ITGB5: variants seen among roughly 807,000 people sequenced by gnomAD.
ITGB5 encodes the protein integrin beta-5.
Under a neutral mutation model 84.8 loss-of-function variants are expected in ITGB5, and 38 were observed. That is an observed-to-expected ratio of 0.45 (90% confidence interval 0.35 to 0.59). The LOEUF (loss-of-function observed/expected upper bound fraction) is 0.59. Among genes scored for constraint, ITGB5 ranks in the 20% least tolerant of loss-of-function variants. The pLI, the probability that ITGB5 is intolerant of heterozygous loss-of-function variation, is 0.01. For synonymous variants in ITGB5, 393 were observed against 414.4 expected, an observed-to-expected ratio of 0.95 and a Z score of 0.63; for missense variants, 905 against 1,034.5, an observed-to-expected ratio of 0.87 and a Z score of 1.72.
intron 11 of ITGB5, chr3:124,769,442 C>G (rs1049069190): frequency 1.3e-5 from 3 of 230,684 alleles, no homozygotes; most frequent in East Asian, 1.1e-4. Flanking sequence ...CCAGAGGTTT[C>G]TGGGTGATAA....
At chr3:124,795,485 T>A (rs1308196368) in intron 10 of ITGB5, among the ~76,000 whole-genome samples, 1 of 149,398 alleles carries the variant, frequency 6.7e-6, no homozygotes, top group South Asian at 2.1e-4. Flanking sequence ...TGAGACTCCA[T>A]CTCAGAAAAA....
chr3:124,763,788 C>T (rs1490518410), intron 14 of ITGB5, 70 bp from the exon 15 acceptor site: 2 of 870,920 alleles, frequency 2.3e-6, no homozygotes, highest in East Asian at 2.5e-5. Flanking sequence ...CAGACGCAGG[C>T]CCTAGGATCC....
At chr3:124,789,067 T>C (rs1376858864) in intron 10 of ITGB5, among the ~76,000 whole-genome samples, 1 of 152,204 alleles carries the variant, frequency 6.6e-6, no homozygotes, top group Non-Finnish European at 1.5e-5. Flanking sequence ...GAGACCTCTG[T>C]CATGGAAGTC....
intron 1 of ITGB5, 66 bp downstream of exon 1, chr3:124,886,865 G>T: frequency 9.5e-7 from 1 of 1,057,566 alleles, no homozygotes; most frequent in Non-Finnish European, 1.2e-6. Context: ...CCGCCCCTCC[G>T]AGACGCCCGC....
chr3:124,842,439 C>A, intron 4 of ITGB5, among the ~76,000 whole-genome samples: 1 of 152,132 alleles, frequency 6.6e-6, no homozygotes, highest in Admixed American at 6.5e-5. Context: ...TATTGTTTTA[C>A]CAATGGGTTC....
intron 10 of ITGB5, among the ~76,000 whole-genome samples, chr3:124,775,578 T>A (rs2063915221): frequency 6.6e-6 from 1 of 152,174 alleles, no homozygotes; most frequent in South Asian, 2.1e-4. Context: ...AACTTTGTAT[T>A]ATTTTTTTCC....
intron 9 of ITGB5, among the ~76,000 whole-genome samples, chr3:124,804,642 G>A (rs1284968276): frequency 6.6e-6 from 1 of 152,030 alleles, no homozygotes; most frequent in African/African-American, 2.4e-5. Flanking sequence ...GCTTCAACTG[G>A]CATTACTTTT....
At chr3:124,889,954 G>A (rs1262280149), upstream of ITGB5, among the ~76,000 whole-genome samples, 1 of 152,064 alleles carries the variant, frequency 6.6e-6, no homozygotes, top group Non-Finnish European at 1.5e-5. Flanking sequence ...AGAGGTTGCA[G>A]TGAGCCAAGA....
intron 4 of ITGB5, among the ~76,000 whole-genome samples, chr3:124,842,919 C>T (rs1365350432): frequency 6.6e-6 from 1 of 152,144 alleles, no homozygotes; most frequent in Non-Finnish European, 1.5e-5. Flanking sequence ...GTCACAACAG[C>T]ACAGCACAGA....
At position 124,785,696 on chromosome 3, in the gene ITGB5, C is replaced by T. The variant is rs575420123; in HGVS notation, c.1693+10692G>A. Among the ~76,000 whole-genome samples, 173 of 152,202 alleles carry T rather than the reference C, an allele frequency of 1.1e-3. 1 individual carries two copies. Among genetic ancestry groups the T allele is most frequent in the African/African-American group, 4.0e-3 (168 of 41,536 alleles). ...CTAAGAAGAGCTCTATGTCTTTCAT[C>T]AAATTATAGTCACGAAACGATGAGT... On this transcript the variant is annotated intron_variant, in intron 10 of 14. Coordinates refer to ENST00000296181, the MANE Select transcript of ITGB5 (RefSeq NM_002213.5).
At chr3:124,865,029 G>T (rs1004769948) in intron 2 of ITGB5, among the ~76,000 whole-genome samples, 1 of 152,136 alleles carries the variant, frequency 6.6e-6, no homozygotes, top group Non-Finnish European at 1.5e-5. Flanking sequence ...AGCATGTGCC[G>T]CCTCCCATTT....
intron 1 of ITGB5, among the ~76,000 whole-genome samples, chr3:124,894,974 G>A (rs920950127): frequency 6.6e-5 from 10 of 151,426 alleles, no homozygotes; most frequent in South Asian, 4.2e-4. Context: ...GAAAGTTTAC[G>A]AATTTGTGTT....
At chr3:124,840,662 C>CTT (rs533782703) in intron 5 of ITGB5, among the ~76,000 whole-genome samples, 48 of 145,556 alleles carry the variant, frequency 3.3e-4, no homozygotes, top group Admixed American at 9.6e-4. Flanking sequence ...CTTTTTCTTT[C>CTT]TTTTTTTTTT....
chr3:124,852,965 G>T (rs2065176915), intron 3 of ITGB5, among the ~76,000 whole-genome samples: 3 of 152,112 alleles, frequency 2.0e-5, no homozygotes, highest in Admixed American at 2.0e-4. Context: ...GGGATTATAG[G>T]TGTGAGCCAC....
At chr3:124,819,454 A>C (rs2064663207) in intron 7 of ITGB5, among the ~76,000 whole-genome samples, 1 of 152,194 alleles carries the variant, frequency 6.6e-6, no homozygotes, top group African/African-American at 2.4e-5. Flanking sequence ...CTTCTCTAGT[A>C]GAGTGTGCCT....
chr3:124,771,748 CAAAA>C (rs59189728), intron 11 of ITGB5, among the ~76,000 whole-genome samples: 7 of 69,162 alleles, frequency 1.0e-4, no homozygotes, highest in Admixed American at 3.2e-4. Flanking sequence ...GACCCTGTCT[CAAAA>C]AAAAAAAAAA....
chr3:124,891,946 G>GA (rs1260135966), upstream of ITGB5, among the ~76,000 whole-genome samples: 1 of 151,662 alleles, frequency 6.6e-6, no homozygotes, highest in Non-Finnish European at 1.5e-5. Flanking sequence ...AATAAAAAAT[G>GA]AAAAAGAAGG....
intron 10 of ITGB5, among the ~76,000 whole-genome samples, chr3:124,793,501 A>C (rs1037079052): frequency 1.3e-5 from 2 of 152,234 alleles, no homozygotes; most frequent in Non-Finnish European, 2.9e-5. Context: ...GCCCTCCTGC[A>C]CATGGGGAAC....
chr3:124,804,990 C>CTTCT lies in ITGB5; in HGVS notation c.1263+4028_1263+4031dup, dbSNP rs200317893. 2.7e-4 allele frequency among the ~76,000 whole-genome samples: 41 copies of CTTCT among 151,048 alleles called. 1 individual carries two copies. The highest frequency in any genetic ancestry group is 1.0e-3 in the African/African-American group (41 of 41,042). ...CTTTCTTTCTTTCCTTCCTTCCTTCCTTCTTTCTTTTTCTTTCTTCTTCCT... is the reference window on the plus strand; with the variant it reads ...CTTTCTTTCTTTCCTTCCTTCCTTCCTTCTTTCTTTCTTTTTCTTTCTTCTTCCT... On this transcript the variant is annotated intron_variant, in intron 9 of 14. Transcript: ENST00000296181.
Sources: allele counts gnomAD v4.1 joint callset (sites outside exome capture counted in the v4.1 genomes callset), GRCh38; gene constraint gnomAD v4.1.1; transcripts MANE v1.5; gene names NCBI Gene and HGNC (gene_info 2026-07-23, HGNC 2026-07-21).